Variants in FGFR1OP2 observed in about 807,000 individuals in gnomAD.
FGFR1OP2 encodes FGFR1 oncogene partner 2.
Under a neutral mutation model 35.2 loss-of-function variants are expected in FGFR1OP2, and 17 were observed. The ratio of observed to expected loss-of-function variants is 0.48; its 90% CI spans 0.33 to 0.73. The LOEUF (loss-of-function observed/expected upper bound fraction) is 0.73, where lower values mean the gene tolerates loss of function less well. Among genes scored for constraint, FGFR1OP2 ranks in the 30% least tolerant of loss-of-function variants. The probability of loss-of-function intolerance (pLI) is 0.02; values close to 1 mark genes in which losing one functional copy is unlikely to be tolerated. For synonymous variants in FGFR1OP2, 105 were observed against 104.6 expected, an observed-to-expected ratio of 1.00 and a Z score of -0.03; for missense variants, 251 against 307.3, an observed-to-expected ratio of 0.82 and a Z score of 1.37.
chr12:26,954,207 G>A lies in FGFR1OP2; in HGVS notation c.49G>A (p.Glu17Lys), dbSNP rs1938983467. The part of the protein sequence containing the change: ...KALADAKALV[E>K]RLRDHDDAAE... ...ACTTGCCGACGCTAAAGCTCTTGTT[G>A]AAAGATTAAGAGATCATGACGATGC... Residue 17 changes from glutamate to lysine, a missense_variant, in exon 2 of 7, where the codon GAA becomes AAA. Transcript: ENST00000229395. 1.2e-6 allele frequency: 2 copies of A among 1,610,868 alleles called. No homozygotes were observed. Among genetic ancestry groups the A allele is most frequent in the South Asian group, 2.2e-5 (2 of 90,338 alleles).
intron 1 of FGFR1OP2, among the ~76,000 whole-genome samples, chr12:26,944,294 T>C (rs1414319191): frequency 2.6e-5 from 4 of 151,380 alleles, no homozygotes; most frequent in African/African-American, 9.7e-5. Context: ...ATTACACCAA[T>C]GTATTGAACA....
At position 26,943,565 on chromosome 12, in the gene FGFR1OP2, C is replaced by T. The variant is rs891794071; in HGVS notation, c.-15+4855C>T. Among the ~76,000 whole-genome samples, 3 of 152,158 alleles carry T rather than the reference C, an allele frequency of 2.0e-5. No homozygotes were observed. In the East Asian group the frequency reaches 5.8e-4, roughly 29 times the overall value. ...TTCGGCTGGGTGCAGTGGCTCACAC[C>T]TGTAATCCCAGCACTTTGGGAAGTC... On this transcript the variant is annotated intron_variant, in intron 1 of 6. Coordinates refer to ENST00000229395, the MANE Select transcript of FGFR1OP2 (RefSeq NM_015633.3).
intron 2 of FGFR1OP2, among the ~76,000 whole-genome samples, chr12:26,955,957 C>G (rs565691497): frequency 6.6e-6 from 1 of 152,220 alleles, no homozygotes; most frequent in East Asian, 1.9e-4. Context: ...CTGCATATGG[C>G]CCAGGATGGC....
At chr12:26,962,043 T>G (rs1939112230) in intron 5 of FGFR1OP2, 1 of 152,252 alleles carries the variant, frequency 6.6e-6, no homozygotes, top group Non-Finnish European at 1.5e-5. Context: ...GAATGTTTTT[T>G]ATCTGTGCTG....
rs138153331 is a variant in FGFR1OP2, at chr12:26,950,591, G to C, written c.-14-3554G>C. Among the ~76,000 whole-genome samples, 574 of 152,218 alleles carry C rather than the reference G, an allele frequency of 3.8e-3. 3 individuals carry two copies. Among genetic ancestry groups the C allele is most frequent in the African/African-American group, 0.013 (554 of 41,528 alleles). On this transcript the variant is annotated intron_variant, in intron 1 of 6. Coordinates refer to ENST00000229395, the MANE Select transcript of FGFR1OP2 (RefSeq NM_015633.3). The stretch of plus-strand genomic sequence containing the variant: ...TTCTTTGCAGCATTTCAGAGAAGTG[G>C]ATTATTCTAAAAGCATATCACCTAT...
chr12:26,948,201 A>G (rs1938859726), intron 1 of FGFR1OP2, among the ~76,000 whole-genome samples: 1 of 152,208 alleles, frequency 6.6e-6, no homozygotes, highest in African/African-American at 2.4e-5. Flanking sequence ...AACATTAGAC[A>G]TTTAAAAGAA....
intron 5 of FGFR1OP2, chr12:26,962,485 G>A (rs1939117776): frequency 6.6e-6 from 1 of 152,086 alleles, no homozygotes; most frequent in Non-Finnish European, 1.5e-5. Context: ...GTGAATAATG[G>A]TCTATAGAAG....
rs965393542 is a variant in FGFR1OP2, at chr12:26,964,939, C to T, written c.*206C>T. ...TGGAAAATAGAAACTGAGCCATTGC[C>T]AAATGGTAAAGAAATGAAAAGTTTT... On this transcript the variant is annotated 3_prime_UTR_variant, in exon 7 of 7. Transcript: ENST00000229395. 8.5e-6 allele frequency: 4 copies of T among 470,338 alleles called. No individual in the cohort carries two copies. The highest frequency in any genetic ancestry group is 1.5e-5 in the Non-Finnish European group (4 of 274,012). The allele number at this position is 470,338 out of a possible 1,614,324, so 29.1% of individuals were successfully genotyped here.
Position 26,941,113 on chromosome 12 carries a change from TAAAA to T in FGFR1OP2, c.-15+2411_-15+2414del, listed in dbSNP as rs879551267. Reference sequence around the variant, plus strand: ...AAGAAAAAAAAATTTTTTAACTTGCTAAAAAAAAAAAGAGATTCACCTGTAATTT... The same window carrying T: ...AAGAAAAAAAAATTTTTTAACTTGCTAAAAAAAGAGATTCACCTGTAATTT... On this transcript the variant is annotated intron_variant, in intron 1 of 6. Coordinates refer to ENST00000229395, the MANE Select transcript of FGFR1OP2 (RefSeq NM_015633.3). Among the ~76,000 whole-genome samples, 83 of 127,050 alleles carry T rather than the reference TAAAA, an allele frequency of 6.5e-4. 1 individual carries two copies. Among genetic ancestry groups the T allele is most frequent in the Admixed American group, 3.7e-3 (48 of 13,130 alleles). The allele number at this position is 127,050 out of a possible 152,430, so 83.3% of individuals were successfully genotyped here.
In FGFR1OP2 at chr12:26,966,303, A is replaced by T. The variant is rs950620448; in HGVS notation, c.*1570A>T. The T allele has an allele frequency of 2.0e-5, 3 of 152,106 alleles. No individual in the cohort carries two copies. Among genetic ancestry groups the T allele is most frequent in the African/African-American group, 7.2e-5 (3 of 41,448 alleles). The allele number at this position is 152,106 out of a possible 1,614,324, so 9.4% of individuals were successfully genotyped here. On this transcript the variant is annotated 3_prime_UTR_variant, in exon 7 of 7. Transcript: ENST00000229395. ...AAAGTATTCCTTAATTTAATGACAC[A>T]TTCATTCAGATACTTCTTATCCCTG...
In FGFR1OP2 at chr12:26,954,198, G is replaced by A. The variant is rs1211789025; in HGVS notation, c.40G>A (p.Ala14Thr). ...TGAGAAGGCACTTGCCGACGCTAAA[G>A]CTCTTGTTGAAAGATTAAGAGATCA... ...TIEKALADAK[A>T]LVERLRDHDD... The change falls in exon 2 of 7, where the codon GCT becomes ACT. Residue 14 changes from alanine (A) to threonine (T), a missense_variant. Coordinates refer to ENST00000229395, the MANE Select transcript of FGFR1OP2 (RefSeq NM_015633.3). 3.7e-6 allele frequency: 6 copies of A among 1,609,662 alleles called. No individual in the cohort carries two copies. The highest frequency in any genetic ancestry group is 3.3e-5 in the South Asian group (3 of 89,972).
chr12:26,956,002 C>T (rs1158709344), intron 2 of FGFR1OP2, among the ~76,000 whole-genome samples: 1 of 151,842 alleles, frequency 6.6e-6, no homozygotes, highest in Non-Finnish European at 1.5e-5. Context: ...CACAAACTTT[C>T]TTAAAACATT....
rs147070099 is a variant in FGFR1OP2, at chr12:26,950,895, G to A, written c.-14-3250G>A. ...AATCATGAGATTTTCCTTGCAGTAG[G>A]TAAAGGTTGCTGGATTAATACTGTT... On this transcript the variant is annotated intron_variant, in intron 1 of 6. Transcript: ENST00000229395. Among the ~76,000 whole-genome samples, 728 of 152,280 alleles carry A rather than the reference G, an allele frequency of 4.8e-3. 7 individuals carry two copies. Among genetic ancestry groups the A allele is most frequent in the African/African-American group, 0.016 (675 of 41,550 alleles).
At chr12:26,941,876 A>G (rs554594080) in intron 1 of FGFR1OP2, among the ~76,000 whole-genome samples, 2 of 152,156 alleles carry the variant, frequency 1.3e-5, no homozygotes, top group Non-Finnish European at 2.9e-5. Context: ...TTTCCACCTG[A>G]TGAGATTGAG....
At chr12:26,945,713 T>G (rs993741813) in intron 1 of FGFR1OP2, among the ~76,000 whole-genome samples, 1 of 152,030 alleles carries the variant, frequency 6.6e-6, no homozygotes, top group African/African-American at 2.4e-5. Flanking sequence ...ATACAAAAAT[T>G]AGCCGGACAT....
chr12:26,944,567 A>G (rs986386524), intron 1 of FGFR1OP2, among the ~76,000 whole-genome samples: 1 of 152,188 alleles, frequency 6.6e-6, no homozygotes, highest in Non-Finnish European at 1.5e-5. Flanking sequence ...ATAAACTCCC[A>G]TTGGTCAGGG....
intron 1 of FGFR1OP2, among the ~76,000 whole-genome samples, chr12:26,948,717 A>T (rs1046917948): frequency 6.6e-6 from 1 of 152,240 alleles, no homozygotes; most frequent in Non-Finnish European, 1.5e-5. Flanking sequence ...ATCGAAATGT[A>T]TAAGTTTCAA....
At chr12:26,956,283 A>T (rs11048785) in intron 2 of FGFR1OP2, among the ~76,000 whole-genome samples, 11,049 of 151,954 alleles carry the variant, frequency 0.073, 500 homozygotes, top group Non-Finnish European at 0.1. Flanking sequence ...TAGGTTAATT[A>T]AGTATCTTTT....
At chr12:26,964,444 C>T in intron 6 of FGFR1OP2, 152 bp from the exon 7 acceptor site, 1 of 694,026 alleles carries the variant, frequency 1.4e-6, no homozygotes, top group Non-Finnish European at 2.3e-6. Context: ...TTCAAGTTGC[C>T]AACTGCATAT....
Sources: gnomAD v4.1 joint callset for allele counts (sites outside exome capture counted in the v4.1 genomes callset) on GRCh38, gnomAD v4.1.1 for gene constraint, MANE v1.5 for transcripts, NCBI Gene and HGNC (gene_info 2026-07-23, HGNC 2026-07-21) for gene names.